The following ATRNL1 variants were observed in gnomAD, a reference collection of about 807,000 sequenced individuals.
ATRNL1 encodes attractin-like protein 1.
In ATRNL1, 95 loss-of-function variants were observed where a neutral mutation model predicts 182.7. That is an observed-to-expected ratio of 0.52 (90% CI 0.44 to 0.62). The LOEUF (loss-of-function observed/expected upper bound fraction) is 0.62. ATRNL1 is among the 20% of genes least tolerant of loss of function. The probability of loss-of-function intolerance (pLI) is 0.00; values close to 1 mark genes in which losing one functional copy is unlikely to be tolerated. For missense variants in ATRNL1, 1,471 were observed against 1,679.5 expected, an observed-to-expected ratio of 0.88 and a Z score of 2.17; for synonymous variants, 576 against 568.3, an observed-to-expected ratio of 1.01 and a Z score of -0.19.
chr10:115,245,226 C>T (rs1015464032), intron 10 of ATRNL1, among the ~76,000 whole-genome samples: 6 of 152,128 alleles, frequency 3.9e-5, no homozygotes, highest in South Asian at 2.1e-4. Context: ...TGGCCGGGCA[C>T]GGTGGCTGAC....
intron 19 of ATRNL1, among the ~76,000 whole-genome samples, chr10:115,346,906 C>T (rs1856003022): frequency 6.6e-6 from 1 of 151,836 alleles, no homozygotes; most frequent in African/African-American, 2.4e-5. Flanking sequence ...TATTTTGTTG[C>T]TTATATTTTT....
At chr10:115,395,764 C>T (rs1298798066) in intron 20 of ATRNL1, among the ~76,000 whole-genome samples, 2 of 151,456 alleles carry the variant, frequency 1.3e-5, no homozygotes, top group Non-Finnish European at 3.0e-5. Context: ...ATTTTATTTT[C>T]CTTCAAAAAT....
At chr10:115,860,642 C>G (rs1273978338) in intron 28 of ATRNL1, among the ~76,000 whole-genome samples, 5 of 152,180 alleles carry the variant, frequency 3.3e-5, no homozygotes, top group Admixed American at 3.3e-4. Flanking sequence ...ATGGCTCCTC[C>G]AACTGCATGC....
chr10:115,581,386 G>C (rs1375693733), intron 26 of ATRNL1, among the ~76,000 whole-genome samples: 1 of 152,034 alleles, frequency 6.6e-6, no homozygotes, highest in Non-Finnish European at 1.5e-5. Context: ...GAGGATGGGA[G>C]TTTACCTCTT....
At chr10:115,189,781 A>G (rs567059043) in intron 8 of ATRNL1, among the ~76,000 whole-genome samples, 1 of 152,228 alleles carries the variant, frequency 6.6e-6, no homozygotes, top group South Asian at 2.1e-4. Context: ...GACTAAGTAT[A>G]CAGTGCTTAT....
intron 27 of ATRNL1, among the ~76,000 whole-genome samples, chr10:115,739,615 A>G (rs1332421949): frequency 1.3e-5 from 2 of 152,220 alleles, no homozygotes; most frequent in Non-Finnish European, 2.9e-5. Context: ...ATTCCTATGT[A>G]TGTTAAAATG....
At position 115,259,000 on chromosome 10, in the gene ATRNL1, A is replaced by G. The variant is rs577895370; in HGVS notation, c.1688-6193A>G. Among the ~76,000 whole-genome samples the G allele has an allele frequency of 8.5e-5, 13 of 152,296 alleles. No individual in the cohort carries two copies. The East Asian group carries it at 2.5e-3, about 29-fold the overall frequency. ...ATCCTCCCTCTGGAAGCTTCATCCC[A>G]ACGGGGCAGCCACCTGTATGAGGTG... On this transcript the variant is annotated intron_variant, in intron 10 of 28. Transcript: ENST00000355044.
intron 18 of ATRNL1, among the ~76,000 whole-genome samples, chr10:115,323,900 C>T (rs1392849526): frequency 6.6e-6 from 1 of 152,062 alleles, no homozygotes; most frequent in Non-Finnish European, 1.5e-5. Context: ...GCCTCAGCCT[C>T]CCAAGTAGCT....
At chr10:115,458,878 A>G (rs1421663664) in intron 21 of ATRNL1, among the ~76,000 whole-genome samples, 1 of 152,152 alleles carries the variant, frequency 6.6e-6, no homozygotes, top group Admixed American at 6.6e-5. Context: ...CTCTTTCTCA[A>G]GACTGCAGCC....
intron 28 of ATRNL1, among the ~76,000 whole-genome samples, chr10:115,935,207 A>T (rs1158844482): frequency 4.6e-5 from 7 of 152,152 alleles, no homozygotes; most frequent in Non-Finnish European, 1.0e-4. Flanking sequence ...GCCAGCTACA[A>T]CACTGCCTGC....
chr10:115,104,038 C>T (rs971470582), intron 1 of ATRNL1, among the ~76,000 whole-genome samples: 7 of 152,096 alleles, frequency 4.6e-5, no homozygotes, highest in Admixed American at 6.5e-5. Flanking sequence ...TACTGATTTC[C>T]TTTCTTTTAG....
intron 24 of ATRNL1, among the ~76,000 whole-genome samples, chr10:115,482,034 G>T (rs1349642927): frequency 6.6e-6 from 1 of 150,772 alleles, no homozygotes; most frequent in Non-Finnish European, 1.5e-5. Flanking sequence ...ATCTCAGAAG[G>T]CAGTATATTT....
At chr10:115,662,003 C>A (rs946944080) in intron 26 of ATRNL1, among the ~76,000 whole-genome samples, 3 of 148,412 alleles carry the variant, frequency 2.0e-5, no homozygotes, top group Non-Finnish European at 3.0e-5. Flanking sequence ...TGTTCAATTC[C>A]CACCTATGAG....
At chr10:115,473,679 C>T (rs1848407283) in intron 24 of ATRNL1, among the ~76,000 whole-genome samples, 1 of 151,316 alleles carries the variant, frequency 6.6e-6, no homozygotes, top group Non-Finnish European at 1.5e-5. Context: ...TGTTAGAATT[C>T]ACCAGTGAAG....
At chr10:115,479,181 A>G (rs542657624) in intron 24 of ATRNL1, among the ~76,000 whole-genome samples, 2 of 151,698 alleles carry the variant, frequency 1.3e-5, no homozygotes, top group Middle Eastern at 3.4e-3. Flanking sequence ...TTACTTGTTA[A>G]TACTGTACCA....
At chr10:115,109,340 A>G (rs1304398312) in intron 1 of ATRNL1, among the ~76,000 whole-genome samples, 3 of 152,198 alleles carry the variant, frequency 2.0e-5, no homozygotes, top group Non-Finnish European at 4.4e-5. Context: ...ATAAAAATTT[A>G]TTGGCTTATG....
rs532850714 is a variant in ATRNL1 at position 115,315,868 on chromosome 10, T to C, written c.3037+132T>C. 1.4e-5 allele frequency: 10 copies of C among 704,164 alleles called. No homozygotes were observed. The South Asian group carries it at 1.8e-4, about 13-fold the overall frequency. The allele number at this position is 704,164 out of a possible 1,614,324, so 43.6% of individuals were successfully genotyped here. On this transcript the variant is annotated intron_variant, in intron 18 of 28. Coordinates refer to ENST00000355044, the MANE Select transcript of ATRNL1 (RefSeq NM_207303.4). ...GAAAATGAGACTAAAATGTCAAAGA[T>C]AAAAAATTATTCCATAGACTATATC...
chr10:115,825,279 C>T (rs530021659), intron 27 of ATRNL1, among the ~76,000 whole-genome samples: 78 of 151,988 alleles, frequency 5.1e-4, no homozygotes, highest in Admixed American at 1.3e-3. Flanking sequence ...CAGGGCCTGT[C>T]GGGGGTTGGG....
At chr10:115,488,302 G>T (rs113337622) in intron 24 of ATRNL1, among the ~76,000 whole-genome samples, 66 of 152,278 alleles carry the variant, frequency 4.3e-4, no homozygotes, top group African/African-American at 1.6e-3. Context: ...AATGGTACCA[G>T]TTCCTCTTGG....
Sources: allele counts gnomAD v4.1 joint callset (sites outside exome capture counted in the v4.1 genomes callset), GRCh38; gene constraint gnomAD v4.1.1; transcripts MANE v1.5; gene names NCBI Gene and HGNC (gene_info 2026-07-23, HGNC 2026-07-21).